Variants in CCT4 observed in about 807,000 individuals in gnomAD.
CCT4 encodes the protein T-complex protein 1 subunit delta.
A neutral mutation model predicts 62.5 loss-of-function variants in CCT4; 17 were observed. The observed-to-expected ratio is 0.27, with a 90% CI of 0.19 to 0.41. The LOEUF (loss-of-function observed/expected upper bound fraction) is 0.41. Ranked by LOEUF, CCT4 falls within the 10% of genes least tolerant of loss-of-function variation. The pLI is 1.00. For synonymous variants in CCT4, 250 were observed against 229.9 expected (o/e 1.09, Z -0.79); for missense variants, 592 against 659.2 (o/e 0.90, Z 1.12).
Position 61,880,539 on chromosome 2 carries a change from G to C in CCT4, c.271-145C>G. The C allele has an allele frequency of 6.7e-6, 4 of 600,510 alleles. No homozygotes were observed. The South Asian group carries it at 8.4e-5, about 13-fold the overall frequency. 37.2% of individuals were successfully genotyped at this position (600,510 alleles called of 1,614,324 possible). A position where few individuals can be genotyped will look rare whatever the true frequency, so the allele number is the denominator to read the frequency against. ...TTCTTCTGATTTGTTGTCTACCTTG[G>C]GTTTCATTTAAAATTAAAGACTAGT... On this transcript the variant is annotated intron_variant, in intron 3 of 13. Coordinates refer to ENST00000394440, the MANE Select transcript of CCT4 (RefSeq NM_006430.4).
rs754135311 is a variant in CCT4 at position 61,883,442 on chromosome 2, C to G, written c.270+17G>C. 14 of 1,205,098 alleles carry G rather than the reference C, an allele frequency of 1.2e-5. No individual in the cohort carries two copies. The Admixed American group carries it at 3.0e-4, about 26-fold the overall frequency. The allele number at this position is 1,205,098 out of a possible 1,614,324, so 74.7% of individuals were successfully genotyped here. On this transcript the variant is annotated intron_variant, in intron 3 of 13. Transcript: ENST00000394440. ...AAAAAAAAAAAAAAAAAAAGACTCA[C>G]CTAAAATTACACTTACCATTCTGGC...
chr2:61,873,071 A>G lies in CCT4; in HGVS notation c.1056T>C (p.Thr352=). ...TKPVAHIDQF[T]ADMLGSAELA... ...ACTCAGCAGAACCCAGCATGTCAGCAGTAAATTGGTCAATATGAGCAACTG... is the reference window on the plus strand; with the variant it reads ...ACTCAGCAGAACCCAGCATGTCAGCGGTAAATTGGTCAATATGAGCAACTG... Residue 352 remains threonine (T), a synonymous_variant, in exon 10 of 14, where the codon ACT becomes ACC. Transcript: ENST00000394440. 1 of 1,613,520 alleles carries G rather than the reference A, an allele frequency of 6.2e-7. No individual in the cohort carries two copies. Among genetic ancestry groups the G allele is most frequent in the South Asian group, 1.1e-5 (1 of 91,074 alleles).
At chr2:61,876,401 A>C (rs112986935) in intron 7 of CCT4, among the ~76,000 whole-genome samples, 167 bp from the exon 8 acceptor site, 1 of 152,338 alleles carries the variant, frequency 6.6e-6, no homozygotes, top group East Asian at 1.9e-4. Flanking sequence ...TACACATCCC[A>C]AACTTGAGTC....
rs1446847847 is a variant in CCT4 at position 61,869,479 on chromosome 2, T to C, written c.1566A>G (p.Ala522=). The change falls in exon 13 of 14, where the codon GCA becomes GCG. Residue 522 remains alanine, a synonymous_variant. Coordinates refer to ENST00000394440, the MANE Select transcript of CCT4 (RefSeq NM_006430.4). ...TCAGAATGCTCCGAACAGTTTCAGT[T>C]GCAAGAGTCAGAGCACTGACTGATA... ...LLVSVSALTL[A]TETVRSILKI... 4 of 1,612,580 alleles carry C rather than the reference T, an allele frequency of 2.5e-6. No homozygotes were observed. The highest frequency in any genetic ancestry group is 3.4e-6 in the Non-Finnish European group (4 of 1,178,708).
At chr2:61,872,788 G>C (rs1037757694) in intron 10 of CCT4, among the ~76,000 whole-genome samples, 200 bp from the exon 11 acceptor site, 2 of 152,142 alleles carry the variant, frequency 1.3e-5, no homozygotes, top group African/African-American at 4.8e-5. Flanking sequence ...TTAGCAGGGC[G>C]TGGTGGCAGG....
Position 61,888,470 on chromosome 2 carries a change from G to A in CCT4, c.38C>T (p.Ala13Val). The part of the protein sequence containing the change: ...ENVAPRSGAT[A>V]GAAGGRGKGA... ...TTTCCCGCGGCCGCCGGCAGCCCCG[G>A]CAGTCGCCCCGCTCCGGGGTGCCAC... The change falls in exon 1 of 14, where the codon GCC (alanine) becomes GTC (valine). Residue 13 changes from alanine (A) to valine (V), a missense_variant. Transcript: ENST00000394440. 1 of 1,612,026 alleles carries A rather than the reference G, an allele frequency of 6.2e-7. No individual in the cohort carries two copies. The highest frequency in any genetic ancestry group is 8.5e-7 in the Non-Finnish European group (1 of 1,179,256).
intron 1 of CCT4, 81 bp from the exon 2 acceptor site, chr2:61,885,153 G>GA: frequency 8.9e-7 from 1 of 1,124,382 alleles, no homozygotes; most frequent in Non-Finnish European, 1.2e-6. Flanking sequence ...TATTGTCCAG[G>GA]ATGGCCTCAA....
Position 61,878,894 on chromosome 2 carries a change from C to G in CCT4, c.497G>C (p.Ser166Thr), listed in dbSNP as rs1318960390. The G allele has an allele frequency of 1.2e-6, 2 of 1,610,280 alleles. No individual in the cohort carries two copies. Among genetic ancestry groups the G allele is most frequent in the East Asian group, 4.5e-5 (2 of 44,848 alleles). The change falls in exon 5 of 14, where the codon AGT (serine) becomes ACT (threonine). Residue 166 changes from serine to threonine, a missense_variant. Around this residue, in one of 3 missense-constraint regions of CCT4, gnomAD observed 522 missense variants for 571.2 expected, o/e 0.91. Coordinates refer to ENST00000394440, the MANE Select transcript of CCT4 (RefSeq NM_006430.4). ...ELSDRETLLN[S>T]ATTSLNSKVV... ...CTTTGAGTTCAGTGAAGTGGTTGCA[C>G]TATTTAACAAAGTTTCTCTGTCACT...
chr2:61,883,485 G>T lies in CCT4; in HGVS notation c.244C>A (p.Gln82Lys). The change falls in exon 3 of 14, where the codon CAA (glutamine) becomes AAA (lysine). Residue 82 changes from glutamine (Q) to lysine (K), a missense_variant. This residue lies in a region of CCT4 where 522 missense variants were observed against 571.2 expected (regional missense o/e 0.91). Coordinates refer to ENST00000394440, the MANE Select transcript of CCT4 (RefSeq NM_006430.4). ...NDGATILKQM[Q>K]VLHPAARMLV... ...ATTCTGGCTGCTGGATGTAATACTTGCATTTGTTTCAGAATGGTAGCACCA... is the reference window on the plus strand; with the variant it reads ...ATTCTGGCTGCTGGATGTAATACTTTCATTTGTTTCAGAATGGTAGCACCA... The T allele has an allele frequency of 2.5e-6, 4 of 1,582,344 alleles. No homozygotes were observed. Among genetic ancestry groups the T allele is most frequent in the Non-Finnish European group, 3.4e-6 (4 of 1,159,568 alleles).
rs989934141 is a variant in CCT4, at chr2:61,868,527, T to C, written c.*165A>G. The C allele has an allele frequency of 1.9e-6, 1 of 518,884 alleles. No individual in the cohort carries two copies. The highest frequency in any genetic ancestry group is 2.9e-5 in the East Asian group (1 of 34,126). The allele number at this position is 518,884 out of a possible 1,614,324, so 32.1% of individuals were successfully genotyped here. On this transcript the variant is annotated 3_prime_UTR_variant, in exon 14 of 14. Coordinates refer to ENST00000394440, the MANE Select transcript of CCT4 (RefSeq NM_006430.4). ...CTGCCTTTTGAAACCAAATATTTAA[T>C]ATTTTCATTAAATTGTTTCAATACA...
In CCT4 at chr2:61,878,973, C is replaced by A; in HGVS notation, c.418G>T (p.Ala140Ser). Reference sequence around the variant, plus strand: ...AAGATTTCAATGCCCTTTTCCAGGGCCTTCTGGAATGACTCAGAAATGATG... The same window carrying A: ...AAGATTTCAATGCCCTTTTCCAGGGACTTCTGGAATGACTCAGAAATGATG... ...PTIISESFQK[A>S]LEKGIEILTD... Residue 140 changes from alanine to serine, a missense_variant, in exon 5 of 14, where the codon GCC becomes TCC. Coordinates refer to ENST00000394440, the MANE Select transcript of CCT4 (RefSeq NM_006430.4). 6.2e-7 allele frequency: 1 copy of A among 1,609,282 alleles called. No individual in the cohort carries two copies. Among genetic ancestry groups the A allele is most frequent in the East Asian group, 2.2e-5 (1 of 44,696 alleles).
intron 13 of CCT4, 182 bp from the exon 14 acceptor site, chr2:61,868,888 G>A (rs1668827141): frequency 1.8e-5 from 10 of 550,910 alleles, no homozygotes; most frequent in Non-Finnish European, 2.9e-5. Context: ...TGTAATCCCA[G>A]CACTTTGGGA....
Position 61,869,586 on chromosome 2 carries a change from T to C in CCT4, c.1492-33A>G, listed in dbSNP as rs1410293722. 4 of 1,240,274 alleles carry C rather than the reference T, an allele frequency of 3.2e-6. No homozygotes were observed. In the African/African-American group the frequency reaches 4.4e-5, roughly 14 times the overall value. 76.8% of individuals were successfully genotyped at this position (1,240,274 alleles called of 1,614,324 possible). A position where few individuals can be genotyped will look rare whatever the true frequency, so the allele number is the denominator to read the frequency against. ...TCAAATCAGCACAAGTTGCTTTTAG[T>C]GTCTGTGATAATACACATCAGCAGC... On this transcript the variant is annotated intron_variant, in intron 12 of 13. Coordinates refer to ENST00000394440, the MANE Select transcript of CCT4 (RefSeq NM_006430.4).
rs11371205 is a variant in CCT4 at position 61,877,525 on chromosome 2, T to TAA, written c.523-13_523-12dup. On this transcript the variant is annotated splice_polypyrimidine_tract_variant and intron_variant, in intron 5 of 13. Transcript: ENST00000394440. Reference sequence around the variant, plus strand: ...ATACTGAGAAACCACCTAGAATTATTAAAAAAAAAAAAAAGTTACCTTCAC... The same window carrying TAA: ...ATACTGAGAAACCACCTAGAATTATTAAAAAAAAAAAAAAAAGTTACCTTCAC... 4.0e-4 allele frequency: 520 copies of TAA among 1,305,780 alleles called. No individual in the cohort carries two copies. The highest frequency in any genetic ancestry group is 7.2e-4 in the South Asian group (47 of 65,420). The allele number at this position is 1,305,780 out of a possible 1,614,324, so 80.9% of individuals were successfully genotyped here.
At chr2:61,878,349 G>A (rs1053681716) in intron 5 of CCT4, among the ~76,000 whole-genome samples, 1 of 152,198 alleles carries the variant, frequency 6.6e-6, no homozygotes, top group African/African-American at 2.4e-5. Flanking sequence ...GATGGACCAC[G>A]ATGGGCAGCC....
Position 61,872,513 on chromosome 2 carries a change from C to A in CCT4, c.1201G>T (p.Ala401Ser), listed in dbSNP as rs758424424. The change falls in exon 11 of 14, where the codon GCT becomes TCT. Residue 401 changes from alanine (A) to serine (S), a missense_variant. By Grantham distance (99) the Ala-to-Ser change is moderately conservative. Around this residue, in one of 3 missense-constraint regions of CCT4, gnomAD observed 522 missense variants for 571.2 expected, o/e 0.91. Transcript: ENST00000394440. ...RGSNKLVIEE[A>S]ERSIHDALCV... ...AGGGCATCATGAATGGAGCGCTCAG[C>A]TTCTTCAATCACCAGTTTGTTAGAA... is the stretch of plus-strand genomic sequence containing the variant. 4 of 1,613,816 alleles carry A rather than the reference C, an allele frequency of 2.5e-6. No individual in the cohort carries two copies. In the Admixed American group the frequency reaches 5.0e-5, roughly 20 times the overall value.
At chr2:61,876,531 G>A (rs763521791) in intron 7 of CCT4, among the ~76,000 whole-genome samples, 1 of 152,154 alleles carries the variant, frequency 6.6e-6, no homozygotes. Context: ...TCTAATCTGT[G>A]TGAATTTGTA....
At chr2:61,872,688 G>A in intron 10 of CCT4, 100 bp from the exon 11 acceptor site, 3 of 1,217,524 alleles carry the variant, frequency 2.5e-6, no homozygotes, top group Non-Finnish European at 3.5e-6. Context: ...AACACTTTGG[G>A]AGGATGAGGC....
intron 8 of CCT4, among the ~76,000 whole-genome samples, chr2:61,874,257 G>C (rs1435637514): frequency 6.6e-6 from 1 of 152,100 alleles, no homozygotes; most frequent in Non-Finnish European, 1.5e-5. Context: ...AGTCTTCAAA[G>C]ACTATATAAA....
Sources: allele counts gnomAD v4.1 joint callset (sites outside exome capture counted in the v4.1 genomes callset), GRCh38; gene constraint gnomAD v4.1.1; regional missense constraint gnomAD v4.1.1; transcripts MANE v1.5; gene names NCBI Gene and HGNC (gene_info 2026-07-23, HGNC 2026-07-21).